Variants in SGCZ observed in about 807,000 individuals in gnomAD.
SGCZ encodes zeta-sarcoglycan.
A neutral mutation model predicts 41.3 loss-of-function variants in SGCZ; 40 were observed. The observed-to-expected ratio is 0.97, with a 90% CI of 0.75 to 1.26. SGCZ has a LOEUF of 1.26. Ranked by LOEUF, SGCZ falls within the 50% of genes most tolerant of loss-of-function variation. The pLI is 0.00. For missense variants in SGCZ, 552 were observed against 369.8 expected (o/e 1.49, Z -4.04); for synonymous variants, 206 against 137.5 (o/e 1.50, Z -3.49).
At chr8:14,576,874 A>G (rs1804727256) in intron 1 of SGCZ, among the ~76,000 whole-genome samples, 1 of 152,200 alleles carries the variant, frequency 6.6e-6, no homozygotes, top group East Asian at 1.9e-4. Context: ...TCTCCTTGTA[A>G]GAAGGAGCTA....
intron 2 of SGCZ, among the ~76,000 whole-genome samples, chr8:14,496,049 T>C (rs1484638934): frequency 6.6e-6 from 1 of 152,076 alleles, no homozygotes; most frequent in Middle Eastern, 3.2e-3. Context: ...AAAGATCGTG[T>C]GGTCTCCTAG....
At chr8:15,216,738 T>G (rs1432052364) in intron 1 of SGCZ, among the ~76,000 whole-genome samples, 5 of 152,074 alleles carry the variant, frequency 3.3e-5, no homozygotes, top group Non-Finnish European at 1.5e-5. Flanking sequence ...AAGCATTAAA[T>G]TTGGTCATAG....
intron 5 of SGCZ, among the ~76,000 whole-genome samples, chr8:14,136,762 T>A (rs2116914143): frequency 6.6e-6 from 1 of 152,296 alleles, no homozygotes; most frequent in Non-Finnish European, 1.5e-5. Context: ...TTCTGCAGAC[T>A]TAAATGTCCC....
At chr8:14,541,165 G>C (rs892251517) in intron 2 of SGCZ, among the ~76,000 whole-genome samples, 19 of 151,606 alleles carry the variant, frequency 1.3e-4, no homozygotes, top group African/African-American at 4.1e-4. Context: ...TTAAGTTCCG[G>C]GATACAGGTA....
Position 14,917,471 on chromosome 8 carries a change from G to T in SGCZ, c.39+320114C>A, listed in dbSNP as rs541544715. Among the ~76,000 whole-genome samples, 53 of 152,182 alleles carry T rather than the reference G, an allele frequency of 3.5e-4. 1 individual carries two copies. Among genetic ancestry groups the T allele is most frequent in the South Asian group, 2.7e-3 (13 of 4,820 alleles). ...ATCAATAAAATTACTGGGCAAGAGA[G>T]ACTGTTTAAATTATTCCTAGTAATA... On this transcript the variant is annotated intron_variant, in intron 1 of 7. Coordinates refer to ENST00000382080, the MANE Select transcript of SGCZ (RefSeq NM_139167.4).
intron 2 of SGCZ, among the ~76,000 whole-genome samples, chr8:14,483,332 G>C (rs1404111823): frequency 6.6e-6 from 1 of 152,220 alleles, no homozygotes; most frequent in Non-Finnish European, 1.5e-5. Flanking sequence ...CACTTTGGGA[G>C]GCATAGGCAG....
At chr8:14,954,304 T>G (rs1800729822) in intron 1 of SGCZ, among the ~76,000 whole-genome samples, 1 of 152,152 alleles carries the variant, frequency 6.6e-6, no homozygotes, top group African/African-American at 2.4e-5. Context: ...TGAAAATTGA[T>G]CAAAGATTTG....
At chr8:14,595,379 T>C (rs903034923) in intron 1 of SGCZ, among the ~76,000 whole-genome samples, 4 of 149,502 alleles carry the variant, frequency 2.7e-5, no homozygotes, top group Non-Finnish European at 4.4e-5. Flanking sequence ...CTCACATATA[T>C]ATAAATGCCT....
At chr8:14,186,379 A>T (rs909108794) in intron 4 of SGCZ, among the ~76,000 whole-genome samples, 1 of 152,134 alleles carries the variant, frequency 6.6e-6, no homozygotes, top group African/African-American at 2.4e-5. Flanking sequence ...TGGAAATTCC[A>T]CTTTATGTAG....
At chr8:14,375,693 C>A (rs1214459432) in intron 2 of SGCZ, among the ~76,000 whole-genome samples, 1 of 151,862 alleles carries the variant, frequency 6.6e-6, no homozygotes, top group Admixed American at 6.6e-5. Flanking sequence ...CACCTCATAC[C>A]CAAACATATG....
intron 3 of SGCZ, among the ~76,000 whole-genome samples, chr8:14,291,342 T>C (rs1800834483): frequency 1.2e-5 from 1 of 84,394 alleles, no homozygotes; most frequent in South Asian, 6.2e-4. Context: ...TTTAAGGTGA[T>C]AGATATGCTA....
intron 1 of SGCZ, among the ~76,000 whole-genome samples, chr8:15,197,032 G>A (rs1321353820): frequency 6.6e-6 from 1 of 152,192 alleles, no homozygotes; most frequent in African/African-American, 2.4e-5. Context: ...GTCTCTTTAA[G>A]CCAAGACTCA....
intron 1 of SGCZ, among the ~76,000 whole-genome samples, chr8:15,235,571 C>T (rs1050225734): frequency 3.3e-5 from 5 of 152,160 alleles, no homozygotes; most frequent in African/African-American, 1.2e-4. Flanking sequence ...CTATGAGGAT[C>T]TCTGGATTAT....
intron 4 of SGCZ, among the ~76,000 whole-genome samples, chr8:14,192,918 G>T (rs184218197): frequency 2.0e-5 from 3 of 151,922 alleles, no homozygotes; most frequent in African/African-American, 4.8e-5. Context: ...TTTATGATTG[G>T]TGTACATGTC....
chr8:14,121,381 A>G (rs938037015), intron 5 of SGCZ, among the ~76,000 whole-genome samples: 1 of 152,134 alleles, frequency 6.6e-6, no homozygotes, highest in African/African-American at 2.4e-5. Context: ...GGGTGTTTAA[A>G]AAGTGACTAA....
intron 2 of SGCZ, among the ~76,000 whole-genome samples, chr8:14,395,408 G>A (rs1292372211): frequency 6.6e-6 from 1 of 152,098 alleles, no homozygotes; most frequent in African/African-American, 2.4e-5. Context: ...TATTTAACAG[G>A]AAGGATTTAA....
At chr8:14,601,309 C>T (rs1310083170) in intron 1 of SGCZ, among the ~76,000 whole-genome samples, 4 of 151,884 alleles carry the variant, frequency 2.6e-5, no homozygotes, top group Non-Finnish European at 5.9e-5. Flanking sequence ...TTAGACATTC[C>T]AGTCCACAGT....
intron 2 of SGCZ, among the ~76,000 whole-genome samples, chr8:14,544,811 T>C (rs1298058207): frequency 1.3e-5 from 2 of 152,202 alleles, no homozygotes; most frequent in African/African-American, 4.8e-5. Flanking sequence ...CTTTTGCCCT[T>C]TGCCTTGTGA....
chr8:14,561,303 C>T (rs1804201138), intron 1 of SGCZ, among the ~76,000 whole-genome samples: 1 of 152,076 alleles, frequency 6.6e-6, no homozygotes, highest in Non-Finnish European at 1.5e-5. Context: ...TACTAACTGC[C>T]TATTGTCATT....
Sources: allele counts gnomAD v4.1 joint callset (sites outside exome capture counted in the v4.1 genomes callset), GRCh38; gene constraint gnomAD v4.1.1; transcripts MANE v1.5; gene names NCBI Gene and HGNC (gene_info 2026-07-23, HGNC 2026-07-21).